The following ACVR1B variants were observed in gnomAD, a reference collection of about 807,000 sequenced individuals.
ACVR1B encodes the protein activin A receptor type 1B, also known as activin receptor type-1B.
In ACVR1B, 15 loss-of-function variants were observed where a neutral mutation model predicts 55.6. That is an observed-to-expected ratio of 0.27 (90% confidence interval 0.18 to 0.42). ACVR1B has a LOEUF of 0.42. Ranked by LOEUF, ACVR1B falls within the 10% of genes least tolerant of loss-of-function variation. The pLI is 1.00. For missense variants in ACVR1B, 359 were observed against 670.1 expected (o/e 0.54, Z 5.13); for synonymous variants, 247 against 254.6 (o/e 0.97, Z 0.28).
At chr12:51,958,027 T>C (rs1941446277) in intron 1 of ACVR1B, among the ~76,000 whole-genome samples, 1 of 152,162 alleles carries the variant, frequency 6.6e-6, no homozygotes, top group South Asian at 2.1e-4. Flanking sequence ...TGGGAATGCA[T>C]GTGGTGGGTG....
At chr12:51,953,444 T>G in intron 1 of ACVR1B, 2 of 985,442 alleles carry the variant, frequency 2.0e-6, no homozygotes, top group Non-Finnish European at 2.4e-6. Context: ...TAGGTATCTG[T>G]GCTGTGGGGT....
At chr12:51,982,745 C>T (rs1014651549) in intron 4 of ACVR1B, 5 of 1,534,336 alleles carry the variant, frequency 3.3e-6, no homozygotes, top group Admixed American at 2.0e-5. Flanking sequence ...TGCCCCCAAG[C>T]TGAGGAGCCT....
intron 1 of ACVR1B, among the ~76,000 whole-genome samples, chr12:51,956,670 CA>C (rs1367836472): frequency 1.3e-5 from 2 of 152,200 alleles, no homozygotes; most frequent in African/African-American, 4.8e-5. Context: ...AATCTTCAAC[CA>C]TTGCTCCTAG....
intron 1 of ACVR1B, among the ~76,000 whole-genome samples, chr12:51,971,040 G>A (rs994403679): frequency 1.3e-5 from 2 of 152,140 alleles, no homozygotes; most frequent in East Asian, 1.9e-4. Context: ...GAGGCGGGAT[G>A]TTAGGCTAAA....
intron 3 of ACVR1B, 61 bp downstream of exon 3, chr12:51,976,636 A>G (rs1192460956): frequency 5.3e-5 from 84 of 1,596,906 alleles, no homozygotes; most frequent in Non-Finnish European, 6.7e-5. Context: ...CCAGCAGGAT[A>G]GAGTGCTTGT....
chr12:51,991,831 A>G (rs752062448), intron 7 of ACVR1B, 32 bp from the exon 8 acceptor site: 4 of 1,602,644 alleles, frequency 2.5e-6, no homozygotes, highest in Non-Finnish European at 3.4e-6. Flanking sequence ...CCTGCTGTTG[A>G]TAACTCAGGT....
chr12:51,961,088 G>A (rs1332125489), intron 1 of ACVR1B, among the ~76,000 whole-genome samples: 2 of 149,762 alleles, frequency 1.3e-5, no homozygotes, highest in Admixed American at 1.4e-4. Flanking sequence ...CTCCAGTGTG[G>A]ACCTTCGTCC....
At chr12:51,966,705 T>C (rs1379748797) in intron 1 of ACVR1B, among the ~76,000 whole-genome samples, 1 of 152,144 alleles carries the variant, frequency 6.6e-6, no homozygotes, top group African/African-American at 2.4e-5. Context: ...CACCTCAGCC[T>C]CCCAAAGTGC....
intron 3 of ACVR1B, among the ~76,000 whole-genome samples, chr12:51,977,310 T>A (rs1285113795): frequency 2.0e-5 from 3 of 152,178 alleles, no homozygotes; most frequent in African/African-American, 7.2e-5. Flanking sequence ...TGTATTTATT[T>A]ATTTAGAAAC....
chr12:51,982,094 A>G (rs1941991690), intron 4 of ACVR1B, among the ~76,000 whole-genome samples: 1 of 152,150 alleles, frequency 6.6e-6, no homozygotes, highest in Non-Finnish European at 1.5e-5. Flanking sequence ...AAGGATGACG[A>G]GTAAGGGTGA....
chr12:51,991,699 GC>G (rs1942194834), intron 7 of ACVR1B, among the ~76,000 whole-genome samples, 163 bp from the exon 8 acceptor site: 2 of 152,216 alleles, frequency 1.3e-5, no homozygotes, highest in South Asian at 4.1e-4. Flanking sequence ...ACCATGCCCG[GC>G]CCCTTTTGTG....
rs1592251988 is a variant in ACVR1B, at chr12:51,975,169, C to T, written c.92-96C>T. Reference sequence around the variant, plus strand: ...CATCTCTATAAAAACTGTTTTGGAACATCAAGTATGCTAAGGGATTATATT... The same window carrying T: ...CATCTCTATAAAAACTGTTTTGGAATATCAAGTATGCTAAGGGATTATATT... On this transcript the variant is annotated intron_variant, in intron 1 of 8. Transcript: ENST00000257963. 6.0e-6 allele frequency: 9 copies of T among 1,504,946 alleles called. No homozygotes were observed. In the East Asian group the frequency reaches 1.6e-4, roughly 27 times the overall value. 93.2% of individuals were successfully genotyped at this position (1,504,946 alleles called of 1,614,324 possible).
chr12:51,985,142 T>C, intron 5 of ACVR1B, 50 bp from the exon 6 acceptor site: 1 of 1,555,726 alleles, frequency 6.4e-7, no homozygotes, highest in Admixed American at 1.9e-5. Context: ...TCTATGCTTT[T>C]AACATTTATA....
At chr12:51,989,607 C>T (rs928664226) in intron 7 of ACVR1B, among the ~76,000 whole-genome samples, 2 of 152,098 alleles carry the variant, frequency 1.3e-5, no homozygotes, top group Admixed American at 6.6e-5. Flanking sequence ...TTAAAACTAT[C>T]TTTTTATTAT....
At chr12:51,989,117 G>A (rs2120732997) in intron 7 of ACVR1B, among the ~76,000 whole-genome samples, 1 of 152,144 alleles carries the variant, frequency 6.6e-6, no homozygotes, top group South Asian at 2.1e-4. Flanking sequence ...TTAGCCGGGT[G>A]TAGTGGCGGG....
chr12:51,985,940 TTTAA>T lies in ACVR1B; in HGVS notation c.1136+597_1136+600del, dbSNP rs1485934982. On this transcript the variant is annotated intron_variant, in intron 6 of 8. Coordinates refer to ENST00000257963, the MANE Select transcript of ACVR1B (RefSeq NM_004302.5). Reference sequence around the variant, plus strand: ...TGGAAATCTGCTGAATCTAAATGAATTTAATTAAGATTATCCCCTGATTTATTGT... The same window carrying T: ...TGGAAATCTGCTGAATCTAAATGAATTTAAGATTATCCCCTGATTTATTGT... Among the ~76,000 whole-genome samples, 7 of 152,314 alleles carry T rather than the reference TTTAA, an allele frequency of 4.6e-5. No homozygotes were observed. In the East Asian group the frequency reaches 5.8e-4, roughly 13 times the overall value.
intron 1 of ACVR1B, among the ~76,000 whole-genome samples, chr12:51,969,062 G>T (rs953782499): frequency 9.2e-5 from 14 of 152,170 alleles, no homozygotes; most frequent in Non-Finnish European, 1.5e-4. Flanking sequence ...ATGTAAGCGT[G>T]AGTAAGCCTT....
chr12:51,968,441 C>T (rs1941683323), intron 1 of ACVR1B, among the ~76,000 whole-genome samples: 1 of 152,072 alleles, frequency 6.6e-6, no homozygotes. Context: ...CGTTTTAGAC[C>T]TAAAGAAGTG....
intron 4 of ACVR1B, among the ~76,000 whole-genome samples, chr12:51,981,764 G>A (rs1249145501): frequency 1.3e-5 from 2 of 152,040 alleles, no homozygotes; most frequent in African/African-American, 4.8e-5. Flanking sequence ...CCCAGGAGGC[G>A]GAGGTTGCAG....
Sources: allele counts gnomAD v4.1 joint callset (sites outside exome capture counted in the v4.1 genomes callset), GRCh38; gene constraint gnomAD v4.1.1; transcripts MANE v1.5; gene names NCBI Gene and HGNC (gene_info 2026-07-23, HGNC 2026-07-21).